Variants in KIF13A observed in about 807,000 individuals in gnomAD.
KIF13A encodes kinesin family member 13A, also known as kinesin-like protein KIF13A.
Under a neutral mutation model 212.2 loss-of-function variants are expected in KIF13A, and 79 were observed. That is an observed-to-expected ratio of 0.37 (90% CI 0.31 to 0.45). The LOEUF (loss-of-function observed/expected upper bound fraction) is 0.45, where lower values mean the gene tolerates loss of function less well. KIF13A is among the 20% of genes least tolerant of loss of function. KIF13A has a pLI of 1.00. For missense variants in KIF13A, 1,901 were observed against 2,209.0 expected (o/e 0.86, Z 2.79); for synonymous variants, 789 against 808.6 (o/e 0.98, Z 0.41).
Position 17,768,004 on chromosome 6 carries a change from A to C in KIF13A, c.4582-3058T>G, listed in dbSNP as rs1335453718. Among the ~76,000 whole-genome samples the C allele has an allele frequency of 6.6e-6, 1 of 152,204 alleles. No individual in the cohort carries two copies. The highest frequency in any genetic ancestry group is 6.5e-5 in the Admixed American group (1 of 15,280). On this transcript the variant is annotated intron_variant, in intron 38 of 38. Transcript: ENST00000259711. This position sits in a 1 kb window ranked among gnomAD's most constrained non-coding sequence, Gnocchi z 5.4. ...ACCCAAAAGCCCAGAGGGAAAGACT[A>C]AAACAGTAGGGACAGCTTATTCCAG...
intron 2 of KIF13A, among the ~76,000 whole-genome samples, chr6:17,965,657 T>C (rs1010881806): frequency 2.6e-5 from 4 of 152,220 alleles, no homozygotes; most frequent in African/African-American, 7.2e-5. Flanking sequence ...AATAAAGATA[T>C]GTGTGATGTT....
chr6:17,855,951 T>A lies in KIF13A; in HGVS notation c.313+79A>T. ...GTCTCAAACTCCTGGGCTCAGGAGATCCTCCCACCCCAGCCTCACCAAGTC... is the reference window on the plus strand; with the variant it reads ...GTCTCAAACTCCTGGGCTCAGGAGAACCTCCCACCCCAGCCTCACCAAGTC... On this transcript the variant is annotated intron_variant, in intron 5 of 38. Coordinates refer to ENST00000259711, the MANE Select transcript of KIF13A (RefSeq NM_022113.6). This position sits in a 1 kb window ranked among gnomAD's most constrained non-coding sequence, Gnocchi z 4.1. 1 of 981,426 alleles carries A rather than the reference T, an allele frequency of 1.0e-6. No individual in the cohort carries two copies. 60.8% of individuals were successfully genotyped at this position (981,426 alleles called of 1,614,324 possible). A position where few individuals can be genotyped will look rare whatever the true frequency, so the allele number is the denominator to read the frequency against.
chr6:17,847,190 C>G (rs6901635), intron 9 of KIF13A, among the ~76,000 whole-genome samples: 27,361 of 152,168 alleles, frequency 0.18, 2,805 homozygotes, highest in South Asian at 0.32. Context: ...GCCCCACCGG[C>G]AGGCATGGCC....
In KIF13A at chr6:17,856,662, G is replaced by T. The variant is rs1233062213; in HGVS notation, c.221-540C>A. Among the ~76,000 whole-genome samples the T allele has an allele frequency of 1.3e-5, 2 of 152,162 alleles. No homozygotes were observed. The highest frequency in any genetic ancestry group is 6.5e-5 in the Admixed American group (1 of 15,270). On this transcript the variant is annotated intron_variant, in intron 4 of 38. Transcript: ENST00000259711. The surrounding 1 kb of genome is among the most constrained non-coding windows in gnomAD (Gnocchi z 4.5). The stretch of plus-strand genomic sequence containing the variant: ...CTGTGTCCCCACAGCGGGAGTGGGG[G>T]ACAAGTTCTCTTTTGTGAATCTCTG...
At chr6:17,810,967 T>C (rs757863100) in intron 17 of KIF13A, among the ~76,000 whole-genome samples, 8 of 152,158 alleles carry the variant, frequency 5.3e-5, no homozygotes, top group Non-Finnish European at 8.8e-5. Context: ...CCCGTACCAG[T>C]TTGTGGTCTG....
intron 4 of KIF13A, among the ~76,000 whole-genome samples, chr6:17,861,730 G>A (rs1265977120): frequency 2.0e-5 from 3 of 152,156 alleles, no homozygotes; most frequent in Non-Finnish European, 4.4e-5. Context: ...CCTTGCGCTA[G>A]CCATTGCTTT....
chr6:17,944,889 A>G (rs1025218418), intron 2 of KIF13A, among the ~76,000 whole-genome samples: 7 of 152,220 alleles, frequency 4.6e-5, no homozygotes, highest in African/African-American at 1.7e-4. Flanking sequence ...ATCAGAATTA[A>G]TGAGAATTTA....
At chr6:17,952,791 G>A (rs897884248) in intron 2 of KIF13A, among the ~76,000 whole-genome samples, 7 of 151,946 alleles carry the variant, frequency 4.6e-5, no homozygotes, top group Non-Finnish European at 1.0e-4. Context: ...TTAGCCAGGT[G>A]TGGTGGTGGG....
intron 3 of KIF13A, chr6:17,881,842 A>G: frequency 2.8e-6 from 1 of 353,112 alleles, no homozygotes; most frequent in East Asian, 7.4e-5. Context: ...CTGAAAATAC[A>G]AAAATTAGCT....
chr6:17,887,498 T>C (rs1771651858), intron 3 of KIF13A, among the ~76,000 whole-genome samples: 1 of 152,184 alleles, frequency 6.6e-6, no homozygotes, highest in Non-Finnish European at 1.5e-5. Context: ...TCTGATCATG[T>C]AGCTTTTCTA....
In KIF13A at chr6:17,888,466, G is replaced by GCTAT. The variant is rs1194910008; in HGVS notation, c.159+9701_159+9702insATAG. 1.3e-5 allele frequency among the ~76,000 whole-genome samples: 2 copies of GCTAT among 152,164 alleles called. No homozygotes were observed. Among genetic ancestry groups the GCTAT allele is most frequent in the African/African-American group, 4.8e-5 (2 of 41,434 alleles). ...AGCCATGGGTTTGATCTGAAACAGA[G>GCTAT]CTGTCCCATAGAAATATAATGCTAG... On this transcript the variant is annotated intron_variant, in intron 3 of 38. Coordinates refer to ENST00000259711, the MANE Select transcript of KIF13A (RefSeq NM_022113.6). This position sits in a 1 kb window ranked among gnomAD's most constrained non-coding sequence, Gnocchi z 4.8.
At chr6:17,813,591 CTTCAT>C (rs774926991) in intron 17 of KIF13A, among the ~76,000 whole-genome samples, 1 of 152,184 alleles carries the variant, frequency 6.6e-6, no homozygotes, top group Non-Finnish European at 1.5e-5. Flanking sequence ...ACTCTCTTCT[CTTCAT>C]TTAACATTAA....
rs1270487858 is a variant in KIF13A, at chr6:17,982,702, CA to C, written c.146+4351del. ...TTCACTTACATAAAATAATTAAGAA[CA>C]AAAACTTCTGTAGAAAGCAAGTTCC... is the stretch of plus-strand genomic sequence containing the variant. On this transcript the variant is annotated intron_variant, in intron 2 of 38. Coordinates refer to ENST00000259711, the MANE Select transcript of KIF13A (RefSeq NM_022113.6). This position sits in a 1 kb window ranked among gnomAD's most constrained non-coding sequence, Gnocchi z 5.1. 1.3e-5 allele frequency among the ~76,000 whole-genome samples: 2 copies of C among 152,086 alleles called. No homozygotes were observed. The highest frequency in any genetic ancestry group is 1.9e-4 in the East Asian group (1 of 5,188).
intron 16 of KIF13A, among the ~76,000 whole-genome samples, chr6:17,822,571 A>C (rs756660445): frequency 2.0e-4 from 31 of 152,308 alleles, no homozygotes; most frequent in Admixed American, 4.6e-4. Flanking sequence ...GGAACCTGTG[A>C]TCTCGGAGGG....
intron 16 of KIF13A, among the ~76,000 whole-genome samples, chr6:17,824,780 A>C (rs764156949): frequency 0.036 from 2,966 of 83,474 alleles, 31 homozygotes; most frequent in Non-Finnish European, 0.059. Context: ...AAAAAAAAAA[A>C]CAAAACACCA....
chr6:17,802,071 G>A (rs945301864), intron 20 of KIF13A, among the ~76,000 whole-genome samples: 10 of 152,128 alleles, frequency 6.6e-5, no homozygotes, highest in East Asian at 3.9e-4. Context: ...TTACACATGT[G>A]TACAAGGTGA....
rs36073765 is a variant in KIF13A at position 17,854,546 on chromosome 6, A to ATTTTT, written c.494+886_494+890dup. Among the ~76,000 whole-genome samples, 70 of 77,116 alleles carry ATTTTT rather than the reference A, an allele frequency of 9.1e-4. 10 individuals carry two copies. The highest frequency in any genetic ancestry group is 1.6e-3 in the African/African-American group (28 of 17,942). The allele number at this position is 77,116 out of a possible 152,430, so 50.6% of individuals were successfully genotyped here. ...TAGATACTAGTTTTAAATCAGTATAATTTTTTTTTTTTTTTTTTTTTTTTT... is the reference window on the plus strand; with the variant it reads ...TAGATACTAGTTTTAAATCAGTATAATTTTTTTTTTTTTTTTTTTTTTTTTTTTTT... On this transcript the variant is annotated intron_variant, in intron 6 of 38. Coordinates refer to ENST00000259711, the MANE Select transcript of KIF13A (RefSeq NM_022113.6).
In KIF13A at chr6:17,849,411, C is replaced by T. The variant is rs747944740; in HGVS notation, c.796G>A (p.Gly266Arg). 5 of 1,613,648 alleles carry T rather than the reference C, an allele frequency of 3.1e-6. No individual in the cohort carries two copies. In the South Asian group the frequency reaches 5.5e-5, roughly 18 times the overall value. Residue 266 changes from glycine (G) to arginine (R), a missense_variant, in exon 9 of 39, where the codon GGA becomes AGA. Gly to Arg is a moderately radical substitution (Grantham distance 125). Transcript: ENST00000259711. This position sits in a 1 kb window ranked among gnomAD's most constrained non-coding sequence, Gnocchi z 5.7. ...TTGCTGCCTTCTTTCAGTCGCTCTC[C>T]TGCAGCTCCTGTTTTAGATACTCTT... ...SERVSKTGAA[G>R]ERLKEGSNIN...
rs1166393503 is a variant in KIF13A, at chr6:17,800,074, C to G, written c.2494G>C (p.Gly832Arg). 6.2e-7 allele frequency: 1 copy of G among 1,613,960 alleles called. No homozygotes were observed. Among genetic ancestry groups the G allele is most frequent in the East Asian group, 2.2e-5 (1 of 44,876 alleles). Residue 832 changes from glycine (G) to arginine (R), a missense_variant, in exon 21 of 39, where the codon GGA (glycine) becomes CGA (arginine). Physicochemically the swap from Gly to Arg is moderately radical, Grantham distance 125. Around this residue, in one of 5 missense-constraint regions of KIF13A, gnomAD observed 534 missense variants for 536.9 expected, o/e 0.99. Transcript: ENST00000259711. ...TCCACCACACGCTCTGGAACAGCTC[C>G]TGTAACACGCATCACTTCCACGTGG... ...RLHVEVMRVT[G>R]AVPERVVEDD...
Sources: allele counts gnomAD v4.1 joint callset (sites outside exome capture counted in the v4.1 genomes callset), GRCh38; gene constraint gnomAD v4.1.1; regional missense constraint gnomAD v4.1.1; non-coding constraint Gnocchi (gnomAD v3.1); transcripts MANE v1.5; gene names NCBI Gene and HGNC (gene_info 2026-07-23, HGNC 2026-07-21).